PRKN: variants seen among roughly 807,000 people sequenced by gnomAD.
The protein encoded by PRKN is E3 ubiquitin-protein ligase parkin.
In PRKN, 56 loss-of-function variants were observed where a neutral mutation model predicts 59.5. The observed-to-expected ratio is 0.94, with a 90% CI of 0.76 to 1.18. The LOEUF (loss-of-function observed/expected upper bound fraction) is 1.18. Among genes scored for constraint, PRKN ranks in the 50% most tolerant of loss-of-function variants. The pLI is 0.00. For synonymous variants in PRKN, 250 were observed against 222.1 expected (o/e 1.13, Z -1.12); for missense variants, 657 against 596.4 (o/e 1.10, Z -1.06).
intron 2 of PRKN, among the ~76,000 whole-genome samples, chr6:162,402,759 C>A (rs1050616628): frequency 1.3e-5 from 2 of 151,604 alleles, no homozygotes; most frequent in Non-Finnish European, 2.9e-5. Flanking sequence ...AACTCTTGGC[C>A]TCAAGTGATC....
In PRKN at chr6:161,743,652, G is replaced by A. The variant is rs145438824; in HGVS notation, c.871+42120C>T. Among the ~76,000 whole-genome samples, 289 of 152,140 alleles carry A rather than the reference G, an allele frequency of 1.9e-3. 2 individuals are homozygous for A. The highest frequency in any genetic ancestry group is 6.6e-3 in the African/African-American group (276 of 41,506). On this transcript the variant is annotated intron_variant, in intron 7 of 11. Transcript: ENST00000366898. ...CCCCACTTGCGTAAGTCCCTGCAAG[G>A]CCGGGAGTGAGCTCTCCCTAGAACA...
intron 1 of PRKN, among the ~76,000 whole-genome samples, chr6:162,573,282 A>G (rs114400807): frequency 0.024 from 3,651 of 152,108 alleles, 171 homozygotes; most frequent in African/African-American, 0.083. Flanking sequence ...GCAAGCTTCC[A>G]CCTTTTTTCA....
At chr6:162,311,686 G>C (rs1002334563) in intron 2 of PRKN, among the ~76,000 whole-genome samples, 14 of 151,814 alleles carry the variant, frequency 9.2e-5, no homozygotes, top group African/African-American at 3.4e-4. Flanking sequence ...GTTTCACCGT[G>C]TTGGCCAGGC....
intron 7 of PRKN, among the ~76,000 whole-genome samples, chr6:161,570,124 T>TAAAAAAAAAAAAAAAAAAAAAAAAAAAA (rs55699586): frequency 1.9e-5 from 1 of 51,420 alleles, no homozygotes; most frequent in Non-Finnish European, 3.4e-5. Context: ...AGTAAATAGG[T>TAAAAAAAAAAAAAAAAAAAAAAAAAAAA]AAAAAAAAAA....
intron 6 of PRKN, among the ~76,000 whole-genome samples, chr6:161,878,528 T>G (rs1431506053): frequency 6.6e-6 from 1 of 152,194 alleles, no homozygotes; most frequent in Non-Finnish European, 1.5e-5. Context: ...CATGCAACAC[T>G]GAGTGAGATT....
chr6:161,438,008 C>T (rs80268456), intron 9 of PRKN, among the ~76,000 whole-genome samples: 1 of 152,058 alleles, frequency 6.6e-6, no homozygotes, highest in African/African-American at 2.4e-5. Flanking sequence ...TATCCTCATC[C>T]GTTTAAATAC....
chr6:162,383,094 T>C (rs1455846220), intron 2 of PRKN, among the ~76,000 whole-genome samples: 4 of 152,174 alleles, frequency 2.6e-5, no homozygotes, highest in African/African-American at 9.7e-5. Flanking sequence ...GACCTCAAAG[T>C]CATCCATGAG....
chr6:161,708,700 C>A lies in PRKN; in HGVS notation c.871+77072G>T, dbSNP rs376602919. Among the ~76,000 whole-genome samples, 5 of 152,234 alleles carry A rather than the reference C, an allele frequency of 3.3e-5. No individual in the cohort carries two copies. In the East Asian group the frequency reaches 9.6e-4, roughly 29 times the overall value. On this transcript the variant is annotated intron_variant, in intron 7 of 11. Transcript: ENST00000366898. ...TAGATTATCTCATATATCATTAGAG[C>A]AACTTTGTGAGGAAAATATTAATTT...
rs1232916833 is a variant in PRKN, at chr6:161,397,407, G to T, written c.1084-10530C>A. Among the ~76,000 whole-genome samples the T allele has an allele frequency of 6.6e-6, 1 of 152,224 alleles. No individual in the cohort carries two copies. The highest frequency in any genetic ancestry group is 1.5e-5 in the Non-Finnish European group (1 of 68,050). ...ATAGAAGAGATCCAGGCGGGTTGAG[G>T]TCAGTGGGTAAGAGCACGTGGAGAT... is the stretch of plus-strand genomic sequence containing the variant. On this transcript the variant is annotated intron_variant, in intron 9 of 11. Coordinates refer to ENST00000366898, the MANE Select transcript of PRKN (RefSeq NM_004562.3). This position sits in a 1 kb window ranked among gnomAD's most constrained non-coding sequence, Gnocchi z 4.2.
chr6:161,947,922 GCTGAGAATAT>G (rs1046162538), intron 6 of PRKN, among the ~76,000 whole-genome samples: 6 of 150,982 alleles, frequency 4.0e-5, no homozygotes, highest in Admixed American at 2.6e-4. Context: ...CATATTTCAG[GCTGAGAATAT>G]CTATTTTGCA....
At chr6:161,889,233 T>C (rs1795255840) in intron 6 of PRKN, among the ~76,000 whole-genome samples, 1 of 151,088 alleles carries the variant, frequency 6.6e-6, no homozygotes, top group Admixed American at 6.6e-5. Context: ...GTTTTAAGAA[T>C]GAAGAATGGA....
chr6:162,377,543 G>A (rs1786183258), intron 2 of PRKN, among the ~76,000 whole-genome samples: 1 of 152,168 alleles, frequency 6.6e-6, no homozygotes, highest in Non-Finnish European at 1.5e-5. Flanking sequence ...TCCAAAAGAG[G>A]GGATCTATTC....
intron 2 of PRKN, among the ~76,000 whole-genome samples, chr6:162,333,646 T>C (rs1783696744): frequency 6.6e-6 from 1 of 152,166 alleles, no homozygotes; most frequent in South Asian, 2.1e-4. Context: ...GTCTTTCTCC[T>C]CAGGTGTGCC....
At position 162,009,516 on chromosome 6, in the gene PRKN, A is replaced by G. The variant is rs527938159; in HGVS notation, c.619-36099T>C. Among the ~76,000 whole-genome samples the G allele has an allele frequency of 9.9e-5, 15 of 152,040 alleles. No homozygotes were observed. The East Asian group carries it at 2.7e-3, about 27-fold the overall frequency. On this transcript the variant is annotated intron_variant, in intron 5 of 11. Transcript: ENST00000366898. The stretch of plus-strand genomic sequence containing the variant: ...TTATGGCAAAAAAGGAGGTAAAAAG[A>G]TGTCATTTTTCCACAAAGAAGAAAA...
At chr6:161,765,157 T>C (rs1789370474) in intron 7 of PRKN, among the ~76,000 whole-genome samples, 1 of 152,240 alleles carries the variant, frequency 6.6e-6, no homozygotes, top group Admixed American at 6.5e-5. Context: ...TTCCATAATC[T>C]TCAGTGTTCC....
At chr6:162,062,879 G>A (rs1440730986) in intron 4 of PRKN, among the ~76,000 whole-genome samples, 1 of 152,076 alleles carries the variant, frequency 6.6e-6, no homozygotes, top group East Asian at 1.9e-4. Flanking sequence ...AATAGAGAAA[G>A]TCTATTTACA....
Position 161,840,643 on chromosome 6 carries a change from C to T in PRKN, c.735-54735G>A, listed in dbSNP as rs182325040. On this transcript the variant is annotated intron_variant, in intron 6 of 11. Transcript: ENST00000366898. ...AGGCCCCAGTGCCTGTTTTTCCCCT[C>T]CAGTGTATGTGTCCATGTGTTCTCA... 8.8e-3 allele frequency among the ~76,000 whole-genome samples: 1,339 copies of T among 152,196 alleles called. 9 individuals carry two copies. The highest frequency in any genetic ancestry group is 0.014 in the Non-Finnish European group (918 of 67,998).
chr6:162,152,331 C>T (rs1782308983), intron 4 of PRKN, among the ~76,000 whole-genome samples: 1 of 152,146 alleles, frequency 6.6e-6, no homozygotes, highest in Non-Finnish European at 1.5e-5. Flanking sequence ...CCTCAAGCTT[C>T]TAGAACCAGT....
intron 7 of PRKN, among the ~76,000 whole-genome samples, chr6:161,677,213 C>T (rs1265564459): frequency 1.3e-5 from 2 of 151,690 alleles, no homozygotes; most frequent in Non-Finnish European, 2.9e-5. Flanking sequence ...ATCTATTTTC[C>T]GATCTGGAAA....
Sources: gnomAD v4.1 joint callset for allele counts (sites outside exome capture counted in the v4.1 genomes callset) on GRCh38, gnomAD v4.1.1 for gene constraint, Gnocchi (gnomAD v3.1) non-coding constraint, MANE v1.5 for transcripts, NCBI Gene and HGNC (gene_info 2026-07-23, HGNC 2026-07-21) for gene names.